MTMR12: variants seen among roughly 807,000 people sequenced by gnomAD.
MTMR12 encodes myotubularin-related protein 12.
Under a neutral mutation model 96.7 loss-of-function variants are expected in MTMR12, and 33 were observed. The ratio of observed to expected loss-of-function variants is 0.34; its 90% CI spans 0.26 to 0.46. MTMR12 has a LOEUF of 0.46. Among genes scored for constraint, MTMR12 ranks in the 20% least tolerant of loss-of-function variants. MTMR12 has a pLI of 1.00. For synonymous variants in MTMR12, 298 were observed against 327.2 expected, an observed-to-expected ratio of 0.91 and a Z score of 0.96; for missense variants, 721 against 896.1, an observed-to-expected ratio of 0.80 and a Z score of 2.49.
intron 1 of MTMR12, among the ~76,000 whole-genome samples, chr5:32,310,539 C>T (rs1314434916): frequency 1.3e-5 from 2 of 152,260 alleles, no homozygotes; most frequent in East Asian, 1.9e-4. Context: ...AAGTGAACTA[C>T]GCCAGGCGCA....
chr5:32,242,538 G>A (rs1748518873), intron 11 of MTMR12, among the ~76,000 whole-genome samples: 1 of 152,012 alleles, frequency 6.6e-6, no homozygotes, highest in Non-Finnish European at 1.5e-5. Flanking sequence ...GCTCCAATAT[G>A]CTCAGAAATC....
intron 1 of MTMR12, among the ~76,000 whole-genome samples, chr5:32,292,224 A>C (rs1209580507): frequency 1.3e-5 from 2 of 152,192 alleles, no homozygotes; most frequent in Non-Finnish European, 2.9e-5. Context: ...CTAGAAGGCC[A>C]TGTATGCTCT....
chr5:32,281,702 C>A (rs1438143712), intron 1 of MTMR12, among the ~76,000 whole-genome samples: 1 of 151,724 alleles, frequency 6.6e-6, no homozygotes, highest in Non-Finnish European at 1.5e-5. Flanking sequence ...GAGTTCGAGA[C>A]CAGCCTGACC....
In MTMR12 at chr5:32,228,643, T is replaced by C. The variant is rs989977154; in HGVS notation, c.*1135A>G. 3.4e-5 allele frequency: 5 copies of C among 145,262 alleles called. No homozygotes were observed. Among genetic ancestry groups the C allele is most frequent in the African/African-American group, 1.0e-4 (4 of 39,582 alleles). The allele number at this position is 145,262 out of a possible 1,614,324, so 9.0% of individuals were successfully genotyped here. On this transcript the variant is annotated 3_prime_UTR_variant, in exon 16 of 16. Coordinates refer to ENST00000382142, the MANE Select transcript of MTMR12 (RefSeq NM_001040446.3). ...ATATATATATATCACATATATATCATATATATATCATTTAGACAGCAGATC... is the reference window on the plus strand; with the variant it reads ...ATATATATATATCACATATATATCACATATATATCATTTAGACAGCAGATC...
intron 7 of MTMR12, among the ~76,000 whole-genome samples, chr5:32,258,503 T>C (rs866316257): frequency 2.0e-5 from 3 of 152,090 alleles, no homozygotes; most frequent in Admixed American, 6.5e-5. Context: ...AGGTAAGCAG[T>C]TGGGATGAAC....
In MTMR12 at chr5:32,243,603, AAAAAAG is replaced by A. The variant is rs1748561884; in HGVS notation, c.1022-10_1022-5del. The A allele has an allele frequency of 1.9e-6, 3 of 1,587,786 alleles. No homozygotes were observed. On this transcript the variant is annotated splice_polypyrimidine_tract_variant and splice_region_variant and intron_variant, in intron 10 of 15. Transcript: ENST00000382142. ...TCCCAAAATTCAGTACTGTTATCTG[AAAAAAG>A]AAAAAGGAGTAAAGACGTCAGGTCA...
At chr5:32,297,468 C>T (rs1426871529) in intron 1 of MTMR12, among the ~76,000 whole-genome samples, 1 of 152,168 alleles carries the variant, frequency 6.6e-6, no homozygotes, top group Non-Finnish European at 1.5e-5. Flanking sequence ...TTCATTACCC[C>T]CAACAGCTAA....
intron 1 of MTMR12, among the ~76,000 whole-genome samples, chr5:32,279,001 G>A (rs370399875): frequency 6.4e-4 from 92 of 144,466 alleles, no homozygotes; most frequent in South Asian, 5.5e-3. Context: ...ACTTGAACCC[G>A]AGAGGCAGAG....
intron 12 of MTMR12, among the ~76,000 whole-genome samples, chr5:32,241,080 A>G (rs1249808036): frequency 6.6e-6 from 1 of 151,966 alleles, no homozygotes; most frequent in Non-Finnish European, 1.5e-5. Flanking sequence ...ACTCTATGCA[A>G]CTCTGTGATT....
intron 1 of MTMR12, among the ~76,000 whole-genome samples, chr5:32,286,163 G>A (rs1348511822): frequency 6.6e-6 from 1 of 152,058 alleles, no homozygotes; most frequent in East Asian, 1.9e-4. Context: ...ACATGACGAA[G>A]CCCTGTTTCT....
intron 14 of MTMR12, 81 bp from the exon 15 acceptor site, chr5:32,234,015 G>A: frequency 2.6e-6 from 4 of 1,522,728 alleles, no homozygotes; most frequent in Middle Eastern, 1.8e-4. Flanking sequence ...ACAGGCACCA[G>A]GAAGCATGCT....
intron 8 of MTMR12, among the ~76,000 whole-genome samples, chr5:32,250,825 T>A (rs918344855): frequency 6.6e-6 from 1 of 152,182 alleles, no homozygotes; most frequent in African/African-American, 2.4e-5. Context: ...ACTCCCTTAC[T>A]ATTCTCTGCG....
At chr5:32,254,832 A>G (rs148895523) in intron 8 of MTMR12, among the ~76,000 whole-genome samples, 9,174 of 152,282 alleles carry the variant, frequency 0.06, 584 homozygotes, top group African/African-American at 0.16. Flanking sequence ...CAACAAGAGC[A>G]AAACTCCGTC....
intron 15 of MTMR12, among the ~76,000 whole-genome samples, chr5:32,230,613 A>T (rs1747959383): frequency 6.6e-6 from 1 of 152,212 alleles, no homozygotes; most frequent in Non-Finnish European, 1.5e-5. Flanking sequence ...GACACAGAGA[A>T]AGGAGCTTTT....
intron 6 of MTMR12, 33 bp from the exon 7 acceptor site, chr5:32,263,275 C>A (rs950690418): frequency 1.9e-6 from 3 of 1,611,586 alleles, no homozygotes; most frequent in Non-Finnish European, 2.5e-6. Context: ...ACAATAAAAT[C>A]TTTCCATGAA....
In MTMR12 at chr5:32,272,735, A is replaced by G. The variant is rs1001428454; in HGVS notation, c.286-830T>C. ...CAAACCCACCATGCCACACACAATC[A>G]CTTTGAGAAGTGTGGGGAAGTTATG... On this transcript the variant is annotated intron_variant, in intron 3 of 15. Coordinates refer to ENST00000382142, the MANE Select transcript of MTMR12 (RefSeq NM_001040446.3). Among the ~76,000 whole-genome samples the G allele has an allele frequency of 5.9e-5, 9 of 152,076 alleles. 1 individual carries two copies. Among genetic ancestry groups the G allele is most frequent in the Admixed American group, 5.2e-4 (8 of 15,264 alleles).
chr5:32,312,691 G>T lies in MTMR12; in HGVS notation c.81+67C>A, dbSNP rs570614860. 3 of 1,297,490 alleles carry T rather than the reference G, an allele frequency of 2.3e-6. No homozygotes were observed. In the African/African-American group the frequency reaches 4.7e-5, roughly 20 times the overall value. The allele number at this position is 1,297,490 out of a possible 1,614,324, so 80.4% of individuals were successfully genotyped here. A position where few individuals can be genotyped will look rare whatever the true frequency, so the allele number is the denominator to read the frequency against. ...CCGCGGCGCTCCCCGCTGCAAGGAA[G>T]GGGCTCCCGGCGCCCCTCGCCCCGG... On this transcript the variant is annotated intron_variant, in intron 1 of 15. Transcript: ENST00000382142. This position sits in a 1 kb window ranked among gnomAD's most constrained non-coding sequence, Gnocchi z 5.0.
chr5:32,265,745 T>C (rs1169989605), intron 6 of MTMR12, among the ~76,000 whole-genome samples: 1 of 152,238 alleles, frequency 6.6e-6, no homozygotes, highest in Admixed American at 6.5e-5. Context: ...CTGTCCTCAA[T>C]AATATGCAGT....
chr5:32,312,693 G>C lies in MTMR12; in HGVS notation c.81+65C>G. 3 of 1,305,108 alleles carry C rather than the reference G, an allele frequency of 2.3e-6. No homozygotes were observed. The highest frequency in any genetic ancestry group is 3.0e-6 in the Non-Finnish European group (3 of 1,015,632). 80.8% of individuals were successfully genotyped at this position (1,305,108 alleles called of 1,614,324 possible). On this transcript the variant is annotated intron_variant, in intron 1 of 15. Coordinates refer to ENST00000382142, the MANE Select transcript of MTMR12 (RefSeq NM_001040446.3). The surrounding 1 kb of genome is among the most constrained non-coding windows in gnomAD (Gnocchi z 5.0). ...GCGGCGCTCCCCGCTGCAAGGAAGG[G>C]GCTCCCGGCGCCCCTCGCCCCGGCC...
Sources: gnomAD v4.1 joint callset for allele counts (sites outside exome capture counted in the v4.1 genomes callset) on GRCh38, gnomAD v4.1.1 for gene constraint, Gnocchi (gnomAD v3.1) non-coding constraint, MANE v1.5 for transcripts, NCBI Gene and HGNC (gene_info 2026-07-23, HGNC 2026-07-21) for gene names.